AUTS2: variants seen among roughly 807,000 people sequenced by gnomAD.
AUTS2 encodes activator of transcription and developmental regulator AUTS2.
Under a neutral mutation model 112.4 loss-of-function variants are expected in AUTS2, and 17 were observed. The ratio of observed to expected loss-of-function variants is 0.15; its 90% CI spans 0.10 to 0.23. AUTS2 has a LOEUF of 0.23. Ranked by LOEUF, AUTS2 falls within the 10% of genes least tolerant of loss-of-function variation. AUTS2 has a pLI of 1.00. For missense variants in AUTS2, 1,510 were observed against 1,701.6 expected, an observed-to-expected ratio of 0.89 and a Z score of 1.98; for synonymous variants, 751 against 702.7, an observed-to-expected ratio of 1.07 and a Z score of -1.09.
intron 6 of AUTS2, among the ~76,000 whole-genome samples, chr7:70,748,025 T>C (rs1788578229): frequency 1.4e-5 from 2 of 138,698 alleles, no homozygotes; most frequent in East Asian, 4.7e-4. Flanking sequence ...AGATGGGGTT[T>C]CACCATGTTA....
chr7:69,850,600 G>A (rs1311310255), intron 1 of AUTS2, among the ~76,000 whole-genome samples: 1 of 151,988 alleles, frequency 6.6e-6, no homozygotes, highest in East Asian at 1.9e-4. Flanking sequence ...TTCCCTAATG[G>A]TTAGTGATGG....
At chr7:70,365,456 A>G (rs549116382) in intron 4 of AUTS2, among the ~76,000 whole-genome samples, 160 of 152,334 alleles carry the variant, frequency 1.1e-3, no homozygotes, top group African/African-American at 3.8e-3. Flanking sequence ...AAGTTTAAAG[A>G]ATATTATATT....
chr7:70,676,740 G>T (rs1396084516), intron 5 of AUTS2, among the ~76,000 whole-genome samples: 1 of 152,086 alleles, frequency 6.6e-6, no homozygotes, highest in African/African-American at 2.4e-5. Flanking sequence ...AGCCAGGCGT[G>T]GTGGCATGCA....
chr7:70,182,348 G>A (rs986095860), intron 4 of AUTS2, among the ~76,000 whole-genome samples: 5 of 152,084 alleles, frequency 3.3e-5, no homozygotes, highest in African/African-American at 1.2e-4. Flanking sequence ...ACTTTATCCA[G>A]GATGTTGAGG....
intron 1 of AUTS2, among the ~76,000 whole-genome samples, chr7:69,772,483 C>T (rs931619165): frequency 2.0e-5 from 3 of 152,166 alleles, no homozygotes; most frequent in African/African-American, 7.2e-5. Context: ...CTGTATTGCC[C>T]AGACTGGAGT....
At chr7:70,063,429 C>T (rs1584661012) in intron 2 of AUTS2, among the ~76,000 whole-genome samples, 2 of 152,002 alleles carry the variant, frequency 1.3e-5, no homozygotes, top group Admixed American at 6.6e-5. Context: ...AGTCTTAAAC[C>T]CAAGCAAGTT....
At chr7:70,466,331 C>G (rs1018555915) in intron 5 of AUTS2, among the ~76,000 whole-genome samples, 1 of 152,192 alleles carries the variant, frequency 6.6e-6, no homozygotes, top group Non-Finnish European at 1.5e-5. Context: ...GCCTCTCAAT[C>G]TAAGAATACT....
At position 70,763,151 on chromosome 7, in the gene AUTS2, C is replaced by T; in HGVS notation, c.1024C>T (p.Pro342Ser). The T allele has an allele frequency of 1.2e-6, 2 of 1,614,008 alleles. No individual in the cohort carries two copies. Among genetic ancestry groups the T allele is most frequent in the Non-Finnish European group, 1.7e-6 (2 of 1,179,960 alleles). Residue 342 changes from proline (P) to serine (S), a missense_variant, in exon 7 of 19, where the codon CCA becomes TCA. By Grantham distance (74) the Pro-to-Ser change is moderately conservative. Around this residue, in one of 3 missense-constraint regions of AUTS2, gnomAD observed 535 missense variants for 594.3 expected, o/e 0.90. Transcript: ENST00000342771. ...PQPPPLSTQP[P>S]QGPPEAQLQP... ...ACCCCCACCTCTGAGTACACAGCCACCACAGGGCCCTCCTGAGGCCCAGCT... is the reference window on the plus strand; with the variant it reads ...ACCCCCACCTCTGAGTACACAGCCATCACAGGGCCCTCCTGAGGCCCAGCT...
At chr7:69,935,180 A>AG (rs1554407606) in intron 2 of AUTS2, among the ~76,000 whole-genome samples, 25 of 151,810 alleles carry the variant, frequency 1.6e-4, no homozygotes, top group African/African-American at 4.8e-4. Flanking sequence ...TCTGGGAAAA[A>AG]AGGACGGAGG....
intron 4 of AUTS2, among the ~76,000 whole-genome samples, chr7:70,348,174 C>T (rs903594131): frequency 1.1e-4 from 16 of 152,202 alleles, no homozygotes; most frequent in African/African-American, 3.9e-4. Flanking sequence ...ATTGCATCCC[C>T]ACCACAACAG....
intron 2 of AUTS2, among the ~76,000 whole-genome samples, chr7:69,990,690 C>T (rs899672592): frequency 6.6e-6 from 1 of 152,188 alleles, no homozygotes; most frequent in Non-Finnish European, 1.5e-5. Flanking sequence ...AATGTTAGCT[C>T]TTAAAGCTGG....
intron 5 of AUTS2, among the ~76,000 whole-genome samples, chr7:70,585,211 C>T (rs1412458771): frequency 6.6e-5 from 10 of 152,112 alleles, no homozygotes; most frequent in Admixed American, 5.9e-4. Flanking sequence ...TTTTGGGGGT[C>T]CTGCAGGGGG....
chr7:70,356,971 AGAAAATTGCTCCCAATGTTTCCTG>A (rs1298036120), intron 4 of AUTS2, among the ~76,000 whole-genome samples: 2 of 152,192 alleles, frequency 1.3e-5, no homozygotes, highest in African/African-American at 4.8e-5. Context: ...TATAAATTCC[AGAAAATTGCTCCCAATGTTTCCTG>A]GAGCACATTA....
intron 5 of AUTS2, among the ~76,000 whole-genome samples, chr7:70,498,220 T>C (rs1157880560): frequency 5.3e-5 from 8 of 152,194 alleles, no homozygotes; most frequent in African/African-American, 1.9e-4. Context: ...ATGCGTTGCC[T>C]TCCTGAAATC....
intron 1 of AUTS2, among the ~76,000 whole-genome samples, chr7:69,635,978 G>A (rs1794501267): frequency 6.6e-6 from 1 of 152,198 alleles, no homozygotes; most frequent in South Asian, 2.1e-4. Context: ...AAGAGCCTTT[G>A]TTTTGACGCT....
intron 2 of AUTS2, among the ~76,000 whole-genome samples, chr7:70,058,555 G>A (rs535424357): frequency 2.0e-5 from 3 of 151,380 alleles, no homozygotes; most frequent in Admixed American, 2.0e-4. Flanking sequence ...TTGAAGCAGA[G>A]GAGAAAAAAT....
intron 4 of AUTS2, among the ~76,000 whole-genome samples, chr7:70,362,832 G>A (rs1455056328): frequency 6.6e-6 from 1 of 152,172 alleles, no homozygotes; most frequent in East Asian, 1.9e-4. Flanking sequence ...TTCAGGAGTT[G>A]TGCAAGGCAT....
At chr7:70,762,821 C>T in intron 6 of AUTS2, 49 bp from the exon 7 acceptor site, 1 of 1,352,078 alleles carries the variant, frequency 7.4e-7, no homozygotes, top group Non-Finnish European at 1.1e-6. Flanking sequence ...CCTTATGCCA[C>T]ACTCGCATGT....
At chr7:70,314,129 G>A (rs530321177) in intron 4 of AUTS2, among the ~76,000 whole-genome samples, 1 of 152,290 alleles carries the variant, frequency 6.6e-6, no homozygotes, top group African/African-American at 2.4e-5. Context: ...TGGCTCCCAA[G>A]GACACAGTGA....
Sources: gnomAD v4.1 joint callset for allele counts (sites outside exome capture counted in the v4.1 genomes callset) on GRCh38, gnomAD v4.1.1 for gene constraint, gnomAD v4.1.1 regional missense constraint, MANE v1.5 for transcripts, NCBI Gene and HGNC (gene_info 2026-07-23, HGNC 2026-07-21) for gene names.